Variants in FMN2 observed in about 807,000 individuals in gnomAD.
FMN2 encodes formin-2.
Under a neutral mutation model 142.3 loss-of-function variants are expected in FMN2, and 51 were observed. The ratio of observed to expected loss-of-function variants is 0.36; its 90% CI spans 0.29 to 0.45. The LOEUF is 0.45. FMN2 is among the 20% of genes least tolerant of loss of function. The pLI, the probability that FMN2 is intolerant of heterozygous loss-of-function variation, is 1.00. For synonymous variants in FMN2, 882 were observed against 869.8 expected, an observed-to-expected ratio of 1.01 and a Z score of -0.25; for missense variants, 1,936 against 2,122.8, an observed-to-expected ratio of 0.91 and a Z score of 1.73.
chr1:240,190,325 A>G (rs1572040705), intron 4 of FMN2, among the ~76,000 whole-genome samples: 1 of 152,208 alleles, frequency 6.6e-6, no homozygotes, highest in Admixed American at 6.5e-5. Flanking sequence ...GATTTTAAGC[A>G]CCCGACAATG....
At chr1:240,448,184 T>TA (rs1200818607) in intron 16 of FMN2, among the ~76,000 whole-genome samples, 1 of 152,092 alleles carries the variant, frequency 6.6e-6, no homozygotes, top group Non-Finnish European at 1.5e-5. Context: ...AAAAAGCTAT[T>TA]AAAAAATTGC....
Position 240,438,160 on chromosome 1 carries a change from T to C in FMN2, c.5010T>C (p.Ser1670=), listed in dbSNP as rs149004492. 2 of 1,614,140 alleles carry C rather than the reference T, an allele frequency of 1.2e-6. No individual in the cohort carries two copies. The highest frequency in any genetic ancestry group is 8.5e-7 in the Non-Finnish European group (1 of 1,180,008). The change falls in exon 16 of 18, where the codon TCT becomes TCC. Residue 1670 remains serine (S), a synonymous_variant. Transcript: ENST00000319653. The stretch of plus-strand genomic sequence containing the variant: ...TCAGTATCTGGCATGAATTCAGCTC[T>C]GACTTTAAAGACTTCTGGAAGAAAG... ...AFFSIWHEFS[S]DFKDFWKKEN... is the part of the protein sequence containing the mutation.
At chr1:240,411,392 GA>G (rs1327858039) in intron 15 of FMN2, among the ~76,000 whole-genome samples, 1 of 152,004 alleles carries the variant, frequency 6.6e-6, no homozygotes, top group Non-Finnish European at 1.5e-5. Flanking sequence ...CCAACAGGGT[GA>G]AACCCCATCT....
chr1:240,117,240 A>G (rs538452025), intron 1 of FMN2, among the ~76,000 whole-genome samples: 1 of 152,338 alleles, frequency 6.6e-6, no homozygotes, highest in African/African-American at 2.4e-5. Flanking sequence ...ATTTGACAAT[A>G]TCATCTCATC....
intron 6 of FMN2, among the ~76,000 whole-genome samples, chr1:240,240,518 ATC>A (rs1558387678): frequency 6.6e-6 from 1 of 152,234 alleles, no homozygotes; most frequent in Non-Finnish European, 1.5e-5. Flanking sequence ...GATGATTAAT[ATC>A]TCTCATTGAG....
At position 240,141,280 on chromosome 1, in the gene FMN2, A is replaced by C. The variant is rs150828268; in HGVS notation, c.1782+17935A>C. On this transcript the variant is annotated intron_variant, in intron 2 of 17. Transcript: ENST00000319653. ...CAAAGATGGAAGACAGCCTAAGACA[A>C]GAGTGAAGCTTAGCATGAGTAATCT... 8.7e-3 allele frequency among the ~76,000 whole-genome samples: 1,323 copies of C among 152,330 alleles called. 57 individuals are homozygous for C. Among genetic ancestry groups the C allele is most frequent in the Admixed American group, 0.072 (1,100 of 15,300 alleles).
Position 240,188,245 on chromosome 1 carries a change from T to G in FMN2, c.1969T>G (p.Ser657Ala). The G allele has an allele frequency of 6.2e-7, 1 of 1,613,926 alleles. No individual in the cohort carries two copies. Among genetic ancestry groups the G allele is most frequent in the Non-Finnish European group, 8.5e-7 (1 of 1,179,898 alleles). Residue 657 changes from serine (S) to alanine (A), a missense_variant, in exon 4 of 18, where the codon TCA becomes GCA. By Grantham distance (99) the Ser-to-Ala change is moderately conservative. This residue lies in a region of FMN2 where 478 missense variants were observed against 462.8 expected (regional missense o/e 1.03). Transcript: ENST00000319653. ...TGTTTCAGAAACTCCCCAAAAACGCTCAGATGCTGTCCAGAAGGTAAGATG... is the reference window on the plus strand; with the variant it reads ...TGTTTCAGAAACTCCCCAAAAACGCGCAGATGCTGTCCAGAAGGTAAGATG... ...SAVSETPQKR[S>A]DAVQKEVVDM...
At chr1:240,308,437 C>T (rs1015897359) in intron 8 of FMN2, among the ~76,000 whole-genome samples, 4 of 152,108 alleles carry the variant, frequency 2.6e-5, no homozygotes, top group Non-Finnish European at 4.4e-5. Flanking sequence ...TTGTTGTTGT[C>T]ATTCTGTTTT....
intron 2 of FMN2, among the ~76,000 whole-genome samples, chr1:240,152,210 T>G (rs1663813008): frequency 6.6e-6 from 1 of 152,022 alleles, no homozygotes; most frequent in Admixed American, 6.6e-5. Flanking sequence ...ATAATTCTCC[T>G]CTCTGTCTAA....
In FMN2 at chr1:240,092,425, G is replaced by C. The variant is rs771624237; in HGVS notation, c.316G>C (p.Gly106Arg). ...DVLDSQALQT[G>R]ELDSAHSLLT... ...ACTGGATTCCCAGGCCCTGCAGACCGGGGAGCTGGACAGCGCTCACTCCCT... is the reference window on the plus strand; with the variant it reads ...ACTGGATTCCCAGGCCCTGCAGACCCGGGAGCTGGACAGCGCTCACTCCCT... The change falls in exon 1 of 18, where the codon GGG becomes CGG. Residue 106 changes from glycine (G) to arginine (R), a missense_variant. Physicochemically the swap from Gly to Arg is moderately radical, Grantham distance 125. This residue lies in a region of FMN2 where 751 missense variants were observed against 791.8 expected (regional missense o/e 0.95). Coordinates refer to ENST00000319653, the MANE Select transcript of FMN2 (RefSeq NM_020066.5). 1.7e-5 allele frequency: 28 copies of C among 1,611,582 alleles called. 1 individual carries two copies. The highest frequency in any genetic ancestry group is 2.2e-5 in the Non-Finnish European group (26 of 1,179,226).
At chr1:240,166,270 C>T (rs1664478666) in intron 2 of FMN2, among the ~76,000 whole-genome samples, 1 of 151,692 alleles carries the variant, frequency 6.6e-6, no homozygotes, top group Admixed American at 6.6e-5. Flanking sequence ...GCTCTTGTTG[C>T]CCAGGCTGGA....
rs1661813382 is a variant in FMN2, at chr1:240,111,698, T to A, written c.1616-11481T>A. 1.3e-5 allele frequency among the ~76,000 whole-genome samples: 2 copies of A among 152,138 alleles called. 1 individual carries two copies. The highest frequency in any genetic ancestry group is 3.9e-4 in the East Asian group (2 of 5,168). On this transcript the variant is annotated intron_variant, in intron 1 of 17. Coordinates refer to ENST00000319653, the MANE Select transcript of FMN2 (RefSeq NM_020066.5). ...CCTGTATCTTGTGCTGACCTCCTAC[T>A]CATCCTGTGACTAAGAATTTCTTAA... is the stretch of plus-strand genomic sequence containing the variant.
intron 2 of FMN2, among the ~76,000 whole-genome samples, chr1:240,126,864 A>T (rs1662530029): frequency 6.6e-6 from 1 of 152,136 alleles, no homozygotes; most frequent in South Asian, 2.1e-4. Flanking sequence ...AATTGCTCTC[A>T]GATTCTAATA....
intron 16 of FMN2, among the ~76,000 whole-genome samples, chr1:240,461,365 G>C (rs1453248931): frequency 6.6e-6 from 1 of 152,070 alleles, no homozygotes; most frequent in Non-Finnish European, 1.5e-5. Context: ...ATGGTTATCT[G>C]TAAGCTCTCC....
At chr1:240,193,791 C>T (rs538044985) in intron 4 of FMN2, among the ~76,000 whole-genome samples, 1 of 152,312 alleles carries the variant, frequency 6.6e-6, no homozygotes, top group African/African-American at 2.4e-5. Flanking sequence ...CAGTCTTAAC[C>T]CTTCTAATCT....
chr1:240,213,543 G>A (rs545236228), intron 6 of FMN2, among the ~76,000 whole-genome samples: 2 of 152,244 alleles, frequency 1.3e-5, no homozygotes, highest in South Asian at 4.2e-4. Context: ...TTAAAATTTT[G>A]TTTAAGGAAA....
At chr1:240,414,061 CT>C (rs1674503612) in intron 15 of FMN2, among the ~76,000 whole-genome samples, 1 of 152,124 alleles carries the variant, frequency 6.6e-6, no homozygotes, top group African/African-American at 2.4e-5. Flanking sequence ...TTATTATTTT[CT>C]TTTTTTAGCT....
chr1:240,190,787 C>G (rs1272331065), intron 4 of FMN2, among the ~76,000 whole-genome samples: 2 of 152,166 alleles, frequency 1.3e-5, no homozygotes, highest in African/African-American at 2.4e-5. Context: ...TACCATGTAT[C>G]AGTTGGATGT....
chr1:240,159,961 G>GTGTATA (rs1553334639), intron 2 of FMN2, among the ~76,000 whole-genome samples: 8 of 127,668 alleles, frequency 6.3e-5, no homozygotes, highest in East Asian at 4.4e-4. Flanking sequence ...CTATATCTGT[G>GTGTATA]TATATATATA....
Sources: allele counts gnomAD v4.1 joint callset (sites outside exome capture counted in the v4.1 genomes callset), GRCh38; gene constraint gnomAD v4.1.1; regional missense constraint gnomAD v4.1.1; transcripts MANE v1.5; gene names NCBI Gene and HGNC (gene_info 2026-07-23, HGNC 2026-07-21).